TMEM266: variants seen among roughly 807,000 people sequenced by gnomAD.
TMEM266 encodes transmembrane protein 266.
In TMEM266, 33 loss-of-function variants were observed where a neutral mutation model predicts 50.5. The ratio of observed to expected loss-of-function variants is 0.65; its 90% CI spans 0.50 to 0.87. The LOEUF is 0.87. TMEM266 is among the 40% of genes least tolerant of loss of function. The probability of loss-of-function intolerance (pLI) is 0.00; values close to 1 mark genes in which losing one functional copy is unlikely to be tolerated. For synonymous variants in TMEM266, 310 were observed against 292.3 expected (o/e 1.06, Z -0.62); for missense variants, 655 against 695.1 (o/e 0.94, Z 0.65).
rs537782535 is a variant in TMEM266 at position 76,147,482 on chromosome 15, G to A, written c.228-9122G>A. The stretch of plus-strand genomic sequence containing the variant: ...AGGAGCTTCGATAATCCACTTTCTT[G>A]ATGCCAGTGAGATTTGTCTATAATA... On this transcript the variant is annotated intron_variant, in intron 3 of 10. Coordinates refer to ENST00000388942, the MANE Select transcript of TMEM266 (RefSeq NM_152335.3). Among the ~76,000 whole-genome samples, 4 of 152,150 alleles carry A rather than the reference G, an allele frequency of 2.6e-5. No homozygotes were observed. The South Asian group carries it at 8.3e-4, about 32-fold the overall frequency.
chr15:76,076,701 A>T (rs534435023), intron 1 of TMEM266, among the ~76,000 whole-genome samples: 1 of 152,142 alleles, frequency 6.6e-6, no homozygotes, highest in African/African-American at 2.4e-5. Context: ...ACTGTCATGA[A>T]TGGTTCCTAG....
chr15:76,154,482 C>G (rs1244184741), intron 3 of TMEM266, among the ~76,000 whole-genome samples: 5 of 152,076 alleles, frequency 3.3e-5, no homozygotes, highest in Non-Finnish European at 7.4e-5. Flanking sequence ...ATCTGGCCCC[C>G]ACAGACCATT....
chr15:76,069,379 CT>C (rs1249044145), intron 1 of TMEM266, among the ~76,000 whole-genome samples: 2 of 152,094 alleles, frequency 1.3e-5, no homozygotes, highest in Non-Finnish European at 2.9e-5. Flanking sequence ...TTGCTCTTCT[CT>C]TTGGTTGAGT....
chr15:76,202,154 A>C, intron 9 of TMEM266, 48 bp from the exon 10 acceptor site: 11 of 1,516,140 alleles, frequency 7.3e-6, no homozygotes, highest in East Asian at 2.3e-5. Flanking sequence ...TATAAGGGGT[A>C]GAGAATGAAC....
Position 76,192,109 on chromosome 15 carries a change from G to A in TMEM266, c.910G>A (p.Glu304Lys). The change falls in exon 9 of 11, where the codon GAG (glutamate) becomes AAG (lysine). Residue 304 changes from glutamate to lysine, a missense_variant. Physicochemically the swap from Glu to Lys is moderately conservative, Grantham distance 56 (BLOSUM62 1). Around this residue, in one of 3 missense-constraint regions of TMEM266, gnomAD observed 455 missense variants for 401.8 expected, o/e 1.13. Coordinates refer to ENST00000388942, the MANE Select transcript of TMEM266 (RefSeq NM_152335.3). ...AGTGTTGGAGGCCGGCACGTGGGAC[G>A]AGGAGACGGCGGCCGAGAGCGTCGT... 1.4e-6 allele frequency: 2 copies of A among 1,423,144 alleles called. No homozygotes were observed. Among genetic ancestry groups the A allele is most frequent in the Non-Finnish European group, 1.8e-6 (2 of 1,089,412 alleles). 88.2% of individuals were successfully genotyped at this position (1,423,144 alleles called of 1,614,324 possible). A position where few individuals can be genotyped will look rare whatever the true frequency, so the allele number is the denominator to read the frequency against.
intron 1 of TMEM266, among the ~76,000 whole-genome samples, chr15:76,104,143 C>G (rs2037045396): frequency 6.6e-6 from 1 of 150,884 alleles, no homozygotes; most frequent in African/African-American, 2.4e-5. Flanking sequence ...GGAGGCAGAG[C>G]TTACAGTGAG....
At chr15:76,203,410 C>A (rs943789174) in intron 10 of TMEM266, among the ~76,000 whole-genome samples, 2 of 152,228 alleles carry the variant, frequency 1.3e-5, no homozygotes, top group African/African-American at 4.8e-5. Context: ...AGAACAGTCA[C>A]CATCTATCCT....
intron 8 of TMEM266, among the ~76,000 whole-genome samples, chr15:76,177,643 C>T (rs571286747): frequency 4.6e-5 from 7 of 152,374 alleles, no homozygotes; most frequent in Admixed American, 6.5e-5. Flanking sequence ...CAAGGTGTCC[C>T]GAGAGCAGGG....
intron 1 of TMEM266, among the ~76,000 whole-genome samples, chr15:76,111,472 C>T (rs62029880): frequency 0.029 from 4,356 of 152,016 alleles, 103 homozygotes; most frequent in Middle Eastern, 0.071. Flanking sequence ...TATTCTAAGC[C>T]AATAGATCTT....
At chr15:76,075,837 CTTTTTTTTTTTTTTTTTTTTTTT>C (rs71140194) in intron 1 of TMEM266, among the ~76,000 whole-genome samples, 4 of 23,574 alleles carry the variant, frequency 1.7e-4, no homozygotes, top group Non-Finnish European at 2.7e-4. Flanking sequence ...GAGAAGGCAG[CTTTTTTTTTTTTTTTTTTTTTTT>C]TTTTTTTTTT....
At chr15:76,112,162 C>T (rs2037180063) in intron 1 of TMEM266, 1 of 152,166 alleles carries the variant, frequency 6.6e-6, no homozygotes, top group Non-Finnish European at 1.5e-5. Flanking sequence ...ATAGGTGGAG[C>T]ACAGGGGCTA....
chr15:76,080,529 G>A lies in TMEM266; in HGVS notation c.-97+20513G>A, dbSNP rs371779234. On this transcript the variant is annotated intron_variant, in intron 1 of 10. Transcript: ENST00000388942. ...CTCCCAAAGTGCTGGGATTACAGGCGTGAGCCACCGTGCCCTGCCAAAGGC... is the reference window on the plus strand; with the variant it reads ...CTCCCAAAGTGCTGGGATTACAGGCATGAGCCACCGTGCCCTGCCAAAGGC... Among the ~76,000 whole-genome samples the A allele has an allele frequency of 5.3e-5, 8 of 150,970 alleles. No individual in the cohort carries two copies. The East Asian group carries it at 1.0e-3, about 19-fold the overall frequency.
At chr15:76,115,496 CT>C (rs113359371) in intron 1 of TMEM266, among the ~76,000 whole-genome samples, 2 of 152,142 alleles carry the variant, frequency 1.3e-5, no homozygotes, top group Non-Finnish European at 2.9e-5. Flanking sequence ...CTGAAATGTG[CT>C]TTTTTAAGTT....
chr15:76,102,854 A>C (rs1004733544), intron 1 of TMEM266, among the ~76,000 whole-genome samples: 1 of 151,676 alleles, frequency 6.6e-6, no homozygotes, highest in African/African-American at 2.4e-5. Flanking sequence ...AAAAAAAAAA[A>C]AAAAAACGGA....
chr15:76,149,066 A>G (rs1374683836), intron 3 of TMEM266, among the ~76,000 whole-genome samples: 1 of 152,116 alleles, frequency 6.6e-6, no homozygotes, highest in Non-Finnish European at 1.5e-5. Flanking sequence ...GCCCCCTGGA[A>G]TTGGGTACAG....
intron 2 of TMEM266, among the ~76,000 whole-genome samples, chr15:76,134,586 T>G (rs1437796324): frequency 6.6e-6 from 1 of 152,196 alleles, no homozygotes; most frequent in African/African-American, 2.4e-5. Flanking sequence ...TTGCTTTCAT[T>G]TCCCAAAACC....
In TMEM266 at chr15:76,137,863, G is replaced by C. The variant is rs1454284507; in HGVS notation, c.195G>C (p.Leu65=). ...TCTCCACGGCGGGCTCGCAGCTCCT[G>C]TCAAATCTGGACGAAGATTACCAAA... The change falls in exon 3 of 11, where the codon CTG becomes CTC. Residue 65 remains leucine (L), a synonymous_variant. Transcript: ENST00000388942. 6.3e-7 allele frequency: 1 copy of C among 1,597,078 alleles called. No individual in the cohort carries two copies. Among genetic ancestry groups the C allele is most frequent in the East Asian group, 2.2e-5 (1 of 44,580 alleles).
intron 9 of TMEM266, 62 bp from the exon 10 acceptor site, chr15:76,202,140 G>C: frequency 7.0e-7 from 1 of 1,420,966 alleles, no homozygotes; most frequent in Non-Finnish European, 9.8e-7. Flanking sequence ...GGTGGGGACA[G>C]GAGTATAAGG....
chr15:76,122,538 A>G (rs1466009051), intron 1 of TMEM266, among the ~76,000 whole-genome samples: 4 of 152,236 alleles, frequency 2.6e-5, no homozygotes, highest in East Asian at 1.9e-4. Context: ...GGTTCCTAAC[A>G]TATTTTAGTT....
Sources: gnomAD v4.1 joint callset for allele counts (sites outside exome capture counted in the v4.1 genomes callset) on GRCh38, gnomAD v4.1.1 for gene constraint, gnomAD v4.1.1 regional missense constraint, MANE v1.5 for transcripts, NCBI Gene and HGNC (gene_info 2026-07-23, HGNC 2026-07-21) for gene names.